C9: variants seen among roughly 807,000 people sequenced by gnomAD.
C9 encodes complement C9, also known as complement component C9.
Under a neutral mutation model 65.4 loss-of-function variants are expected in C9, and 63 were observed. The ratio of observed to expected loss-of-function variants is 0.96; its 90% CI spans 0.79 to 1.19. C9 has a LOEUF of 1.19. C9 is among the 50% of genes most tolerant of loss of function. C9 has a pLI of 0.00. For synonymous variants in C9, 229 were observed against 227.9 expected (o/e 1.00, Z -0.04); for missense variants, 744 against 670.1 (o/e 1.11, Z -1.22).
chr5:39,364,395 T>G lies in C9; in HGVS notation c.70A>C (p.Thr24Pro), dbSNP rs1432133305. The change falls in exon 1 of 11, where the codon ACG becomes CCG. Residue 24 changes from threonine to proline, a missense_variant. Transcript: ENST00000263408. ...GAAAAGTAACTGACTCACCTGGTCG[T>G]GTACTGTGCTGTGAGGATGCTTATT... ...LEISILTAQY[T>P]TSYDPELTES... 1 of 1,583,306 alleles carries G rather than the reference T, an allele frequency of 6.3e-7. No homozygotes were observed. The highest frequency in any genetic ancestry group is 8.7e-7 in the Non-Finnish European group (1 of 1,152,024).
At chr5:39,352,040 A>G (rs368561108) in intron 1 of C9, among the ~76,000 whole-genome samples, 1 of 152,198 alleles carries the variant, frequency 6.6e-6, no homozygotes, top group Non-Finnish European at 1.5e-5. Flanking sequence ...TATAGGAGGC[A>G]TGGCTGGGGA....
intron 1 of C9, among the ~76,000 whole-genome samples, chr5:39,361,625 C>G (rs1379322628): frequency 6.6e-6 from 1 of 152,116 alleles, no homozygotes; most frequent in Non-Finnish European, 1.5e-5. Flanking sequence ...AGGCGCAGAG[C>G]CAGTAAATTG....
intron 1 of C9, among the ~76,000 whole-genome samples, chr5:39,353,663 C>T (rs1001153581): frequency 1.3e-5 from 2 of 152,116 alleles, no homozygotes; most frequent in Non-Finnish European, 2.9e-5. Context: ...ATCTATTCAT[C>T]AAATATATAT....
chr5:39,351,391 A>C (rs1754319664), intron 1 of C9, among the ~76,000 whole-genome samples: 1 of 152,176 alleles, frequency 6.6e-6, no homozygotes, highest in Non-Finnish European at 1.5e-5. Flanking sequence ...AGCTGGCTGG[A>C]ATTTCTCCCC....
chr5:39,317,194 G>A (rs1158768830), intron 5 of C9, among the ~76,000 whole-genome samples: 2 of 151,984 alleles, frequency 1.3e-5, no homozygotes, highest in African/African-American at 4.8e-5. Context: ...TAATGGGGTC[G>A]TTTGTTTTTT....
intron 6 of C9, among the ~76,000 whole-genome samples, chr5:39,312,428 C>T (rs976991792): frequency 1.3e-5 from 2 of 152,184 alleles, no homozygotes; most frequent in Non-Finnish European, 2.9e-5. Context: ...TGTCCCAAAA[C>T]ATATGAATAA....
intron 1 of C9, 86 bp from the exon 2 acceptor site, chr5:39,342,282 C>T: frequency 1.3e-6 from 1 of 744,546 alleles, no homozygotes; most frequent in Non-Finnish European, 2.5e-6. Context: ...TCATTTTGTA[C>T]TTTATCCCCT....
At chr5:39,325,474 C>A (rs1313177468) in intron 5 of C9, among the ~76,000 whole-genome samples, 1 of 152,122 alleles carries the variant, frequency 6.6e-6, no homozygotes, top group Non-Finnish European at 1.5e-5. Flanking sequence ...ATCTCAGGCA[C>A]CCTCAAGAAT....
In C9 at chr5:39,359,050, A is replaced by G. The variant is rs184461068; in HGVS notation, c.77+5338T>C. Among the ~76,000 whole-genome samples, 657 of 141,558 alleles carry G rather than the reference A, an allele frequency of 4.6e-3. 6 individuals are homozygous for G. Among genetic ancestry groups the G allele is most frequent in the African/African-American group, 0.016 (628 of 38,098 alleles). The allele number at this position is 141,558 out of a possible 152,430, so 92.9% of individuals were successfully genotyped here. A position where few individuals can be genotyped will look rare whatever the true frequency, so the allele number is the denominator to read the frequency against. On this transcript the variant is annotated intron_variant, in intron 1 of 10. Transcript: ENST00000263408. ...TATATATATATATGTGTGTGTGTGT[A>G]TATATATGTGTATATATATATGTGT...
chr5:39,351,856 G>C (rs767593053), intron 1 of C9, among the ~76,000 whole-genome samples: 1 of 152,012 alleles, frequency 6.6e-6, no homozygotes, highest in African/African-American at 2.4e-5. Context: ...TCCAACCTCT[G>C]CCTGTTACCC....
chr5:39,352,823 A>G (rs3906333), intron 1 of C9, among the ~76,000 whole-genome samples: 3,354 of 151,204 alleles, frequency 0.022, 122 homozygotes, highest in African/African-American at 0.078. Flanking sequence ...CACTCTTGTG[A>G]TGAAGTCTAA....
At chr5:39,295,811 G>C (rs1271160381) in intron 9 of C9, among the ~76,000 whole-genome samples, 1 of 151,612 alleles carries the variant, frequency 6.6e-6, no homozygotes, top group African/African-American at 2.4e-5. Flanking sequence ...AACCAAATCA[G>C]CATTGTACTG....
chr5:39,359,015 A>ATAAAT (rs1554052483), intron 1 of C9, among the ~76,000 whole-genome samples: 1 of 38,770 alleles, frequency 2.6e-5, no homozygotes, highest in African/African-American at 5.6e-5. Flanking sequence ...AAATAAATAA[A>ATAAAT]AAATATATAT....
chr5:39,304,429 T>C (rs1265384596), intron 9 of C9, among the ~76,000 whole-genome samples: 1 of 152,168 alleles, frequency 6.6e-6, no homozygotes, highest in African/African-American at 2.4e-5. Flanking sequence ...AATGAATTAG[T>C]GATCATAGAT....
At position 39,284,915 on chromosome 5, in the gene C9, G is replaced by T. The variant is rs1268244537; in HGVS notation, c.*284C>A. ...AACATTCTGTTTTTAATTTAATTTT[G>T]TTTTTTTTTAGAAGAGATTGGCATT... On this transcript the variant is annotated 3_prime_UTR_variant, in exon 11 of 11. Coordinates refer to ENST00000263408, the MANE Select transcript of C9 (RefSeq NM_001737.5). 2.5e-6 allele frequency: 1 copy of T among 403,566 alleles called. No individual in the cohort carries two copies. The highest frequency in any genetic ancestry group is 4.2e-5 in the East Asian group (1 of 23,774). 25.0% of individuals were successfully genotyped at this position (403,566 alleles called of 1,614,324 possible).
intron 9 of C9, among the ~76,000 whole-genome samples, chr5:39,289,216 C>T (rs1262061880): frequency 6.6e-6 from 1 of 150,592 alleles, no homozygotes; most frequent in African/African-American, 2.4e-5. Flanking sequence ...GTGATAGGTG[C>T]TACAAAAAAA....
chr5:39,349,808 T>G (rs1754288160), intron 1 of C9, among the ~76,000 whole-genome samples: 1 of 152,186 alleles, frequency 6.6e-6, no homozygotes, highest in South Asian at 2.1e-4. Flanking sequence ...TTTCATTTCT[T>G]TTTTCTTCTC....
Position 39,306,718 on chromosome 5 carries a change from C to T in C9, c.1315G>A (p.Glu439Lys). The T allele has an allele frequency of 6.2e-7, 1 of 1,612,770 alleles. No individual in the cohort carries two copies. Among genetic ancestry groups the T allele is most frequent in the Non-Finnish European group, 8.5e-7 (1 of 1,178,888 alleles). The change falls in exon 9 of 11, where the codon GAA becomes AAA. Residue 439 changes from glutamate to lysine, a missense_variant. Transcript: ENST00000263408. ...IRGGTRKYAFELKEKLLRGTV... is the reference protein window; with the variant it reads ...IRGGTRKYAFKLKEKLLRGTV... The stretch of plus-strand genomic sequence containing the variant: ...CCTCGGAGAAGCTTTTCTTTCAGTT[C>T]AAATGCATATTTTCTGGTTCCACCT...
Position 39,342,147 on chromosome 5 carries a change from A to G in C9, c.127T>C (p.Cys43Arg), listed in dbSNP as rs750178239. 1 of 1,610,938 alleles carries G rather than the reference A, an allele frequency of 6.2e-7. No homozygotes were observed. Among genetic ancestry groups the G allele is most frequent in the Non-Finnish European group, 8.5e-7 (1 of 1,177,108 alleles). ...ESSGSASHID[C>R]RMSPWSEWSQ... ...CATTCACTCCAGGGGCTCATTCTGC[A>G]GTCTATGTGTGATGCAGAGCCACTG... The change falls in exon 2 of 11, where the codon TGC (cysteine) becomes CGC (arginine). Residue 43 changes from cysteine (C) to arginine (R), a missense_variant. Transcript: ENST00000263408.
Sources: gnomAD v4.1 joint callset for allele counts (sites outside exome capture counted in the v4.1 genomes callset) on GRCh38, gnomAD v4.1.1 for gene constraint, MANE v1.5 for transcripts, NCBI Gene and HGNC (gene_info 2026-07-23, HGNC 2026-07-21) for gene names.